AHCTF1: variants seen among roughly 807,000 people sequenced by gnomAD.
The protein encoded by AHCTF1 is AT-hook containing transcription factor 1.
AHCTF1 carries 24 observed loss-of-function variants against 248.4 expected under a neutral mutation model. That is an observed-to-expected ratio of 0.10 (90% confidence interval 0.07 to 0.14). The LOEUF (loss-of-function observed/expected upper bound fraction) is 0.14, where lower values mean the gene tolerates loss of function less well. Among genes scored for constraint, AHCTF1 ranks in the 10% least tolerant of loss-of-function variants. The probability of loss-of-function intolerance (pLI) is 1.00; values close to 1 mark genes in which losing one functional copy is unlikely to be tolerated. For missense variants in AHCTF1, 2,206 were observed against 2,636.2 expected, an observed-to-expected ratio of 0.84 and a Z score of 3.57; for synonymous variants, 786 against 929.8, an observed-to-expected ratio of 0.85 and a Z score of 2.81.
chr1:246,844,578 A>G (rs748845661), intron 33 of AHCTF1, among the ~76,000 whole-genome samples: 7 of 152,014 alleles, frequency 4.6e-5, no homozygotes, highest in Non-Finnish European at 7.4e-5. Context: ...TTAAAAGATT[A>G]GCCAATGTGG....
chr1:246,930,961 G>A (rs73146640), intron 1 of AHCTF1, among the ~76,000 whole-genome samples: 4,881 of 152,210 alleles, frequency 0.032, 197 homozygotes, highest in African/African-American at 0.095. Flanking sequence ...AACCAAAACA[G>A]TCAACCAGTG....
rs188976481 is a variant in AHCTF1, at chr1:246,861,022, C to A, written c.4009G>T (p.Ala1337Ser). Reference sequence around the variant, plus strand: ...GTGGAAGAGCTTTTGGGCTTAGAGGCCGTGAAAACAGTCTCTTCAAGGTCT... The same window carrying A: ...GTGGAAGAGCTTTTGGGCTTAGAGGACGTGAAAACAGTCTCTTCAAGGTCT... ...PEDLEETVFT[A>S]SKPKSSSTAL... Residue 1337 changes from alanine to serine, a missense_variant, in exon 29 of 36, where the codon GCC (alanine) becomes TCC (serine). By Grantham distance (99) the Ala-to-Ser change is moderately conservative (BLOSUM62 1). This residue lies in a region of AHCTF1 where 955 missense variants were observed against 1,055.6 expected (regional missense o/e 0.90). Transcript: ENST00000648844. 2 of 1,613,918 alleles carry A rather than the reference C, an allele frequency of 1.2e-6. No individual in the cohort carries two copies. Among genetic ancestry groups the A allele is most frequent in the Middle Eastern group, 3.3e-4 (2 of 6,048 alleles).
At chr1:246,910,494 G>C (rs1374960899) in intron 4 of AHCTF1, among the ~76,000 whole-genome samples, 1 of 152,256 alleles carries the variant, frequency 6.6e-6, no homozygotes, top group East Asian at 1.9e-4. Context: ...GAAGAAAAGA[G>C]GGAAAGGAGG....
chr1:246,878,076 C>T (rs916457921), intron 21 of AHCTF1, among the ~76,000 whole-genome samples: 1 of 151,534 alleles, frequency 6.6e-6, no homozygotes, highest in East Asian at 1.9e-4. Flanking sequence ...GAAACACCAG[C>T]AAAAATTGCA....
At chr1:246,908,259 ATC>A (rs749304732) in intron 4 of AHCTF1, among the ~76,000 whole-genome samples, 7 of 151,314 alleles carry the variant, frequency 4.6e-5, no homozygotes, top group Non-Finnish European at 1.0e-4. Context: ...CATTTTGGGC[ATC>A]AAAAACAATA....
In AHCTF1 at chr1:246,890,999, C is replaced by T. The variant is rs1189891177; in HGVS notation, c.2007G>A (p.Val669=). Residue 669 remains valine, a synonymous_variant, in exon 16 of 36, where the codon GTG becomes GTA. Transcript: ENST00000648844. ...GCCCAGAATGAGAGAACCAAAGAAC[C>T]ACTTGTGCATACTGACAGATGAGGT... ...VSHLICQYAQ[V]VLWFSHSGLL... 2 of 1,556,672 alleles carry T rather than the reference C, an allele frequency of 1.3e-6. No homozygotes were observed. The highest frequency in any genetic ancestry group is 1.4e-5 in the African/African-American group (1 of 72,230).
At chr1:246,875,408 G>A (rs1458333090) in intron 24 of AHCTF1, among the ~76,000 whole-genome samples, 1 of 152,210 alleles carries the variant, frequency 6.6e-6, no homozygotes, top group Non-Finnish European at 1.5e-5. Context: ...CTGCCTTCTT[G>A]TAGAGTAGTT....
intron 1 of AHCTF1, chr1:246,931,036 T>C: frequency 6.8e-7 from 1 of 1,464,336 alleles, no homozygotes; most frequent in Non-Finnish European, 9.1e-7. Context: ...AGATGTGCTT[T>C]TATTTTAAAT....
intron 2 of AHCTF1, among the ~76,000 whole-genome samples, chr1:246,917,714 T>C (rs1198954214): frequency 6.6e-6 from 1 of 152,222 alleles, no homozygotes; most frequent in Non-Finnish European, 1.5e-5. Context: ...AAGCTTATAT[T>C]CAGAAAAGTC....
intron 6 of AHCTF1, 40 bp from the exon 7 acceptor site, chr1:246,904,073 T>A (rs764107980): frequency 1.3e-6 from 2 of 1,511,324 alleles, no homozygotes; most frequent in African/African-American, 1.4e-5. Flanking sequence ...AATATATTAA[T>A]ACATTAAACA....
chr1:246,888,272 ACAGTCATT>A (rs768550046), intron 18 of AHCTF1, 39 bp from the exon 19 acceptor site: 1 of 1,612,980 alleles, frequency 6.2e-7, no homozygotes, highest in Non-Finnish European at 8.5e-7. Context: ...TGGATCTTAT[ACAGTCATT>A]CATTCATTCA....
At chr1:246,929,698 A>G (rs1048027885) in intron 1 of AHCTF1, among the ~76,000 whole-genome samples, 2 of 152,366 alleles carry the variant, frequency 1.3e-5, no homozygotes, top group Non-Finnish European at 2.9e-5. Flanking sequence ...GGGAAGAAAG[A>G]AAAGTCCCTG....
intron 33 of AHCTF1, among the ~76,000 whole-genome samples, chr1:246,845,376 AAAAT>A (rs750328148): frequency 3.9e-5 from 6 of 152,180 alleles, no homozygotes; most frequent in African/African-American, 1.4e-4. Context: ...AAAAAAAAGA[AAAAT>A]AGAGTTGATA....
chr1:246,920,960 C>T (rs1448503762), intron 1 of AHCTF1, among the ~76,000 whole-genome samples: 6 of 151,480 alleles, frequency 4.0e-5, no homozygotes, highest in African/African-American at 1.5e-4. Context: ...GCCATGGTGG[C>T]GCATGCCTGT....
rs775899975 is a variant in AHCTF1 at position 246,850,745 on chromosome 1, GCTGATTTGACAT to G, written c.5249_5260del (p.Asn1750_Ala1754delinsThr). The G allele has an allele frequency of 1.5e-5, 24 of 1,613,708 alleles. No individual in the cohort carries two copies. The highest frequency in any genetic ancestry group is 2.0e-5 in the Non-Finnish European group (24 of 1,179,850). On this transcript the variant is annotated inframe_deletion, in exon 33 of 36. Transcript: ENST00000648844. Reference sequence around the variant, plus strand: ...AACATCTGCTGATGCTTCCTGTTGTGCTGATTTGACATTCACGTTTTGGATACGTTGACCTCT... The same window carrying G: ...AACATCTGCTGATGCTTCCTGTTGTGTCACGTTTTGGATACGTTGACCTCT...
chr1:246,843,921 T>G lies in AHCTF1; in HGVS notation c.6399A>C (p.Lys2133Asn). 1 of 1,456,514 alleles carries G rather than the reference T, an allele frequency of 6.9e-7. No homozygotes were observed. The highest frequency in any genetic ancestry group is 9.1e-7 in the Non-Finnish European group (1 of 1,102,148). The allele number at this position is 1,456,514 out of a possible 1,614,324, so 90.2% of individuals were successfully genotyped here. The part of the protein sequence containing the change: ...SEVPRKAKAK[K>N]IEVPAQLKEL... Reference sequence around the variant, plus strand: ...CTTTCAGCTGTGCAGGAACCTCTATTTTTTTAGCTAAAAAAAGTTGAAAAA... The same window carrying G: ...CTTTCAGCTGTGCAGGAACCTCTATGTTTTTAGCTAAAAAAAGTTGAAAAA... The change falls in exon 34 of 36, where the codon AAA becomes AAC. Residue 2133 changes from lysine (K) to asparagine (N), a missense_variant. By Grantham distance (94) the Lys-to-Asn change is moderately conservative. Transcript: ENST00000648844.
chr1:246,907,989 C>A (rs909904481), intron 4 of AHCTF1, among the ~76,000 whole-genome samples: 5 of 152,118 alleles, frequency 3.3e-5, no homozygotes, highest in African/African-American at 1.2e-4. Context: ...TTTAAAAATT[C>A]TCTCAGTACA....
chr1:246,870,992 A>G (rs1662554513), intron 24 of AHCTF1, among the ~76,000 whole-genome samples: 1 of 152,202 alleles, frequency 6.6e-6, no homozygotes, highest in African/African-American at 2.4e-5. Flanking sequence ...CCAAGCAAAC[A>G]AAAAGTGACT....
chr1:246,851,477 A>AT, intron 32 of AHCTF1, 35 bp from the exon 33 acceptor site: 2 of 1,537,716 alleles, frequency 1.3e-6, no homozygotes, highest in South Asian at 1.3e-5. Context: ...TGGTTAAAGA[A>AT]TTTTAATACA....
Sources: allele counts gnomAD v4.1 joint callset (sites outside exome capture counted in the v4.1 genomes callset), GRCh38; gene constraint gnomAD v4.1.1; regional missense constraint gnomAD v4.1.1; transcripts MANE v1.5; gene names NCBI Gene and HGNC (gene_info 2026-07-23, HGNC 2026-07-21).